The following TCN1 variants were observed in gnomAD, a reference collection of about 807,000 sequenced individuals.
TCN1 encodes transcobalamin 1.
Under a neutral mutation model 46.3 loss-of-function variants are expected in TCN1, and 47 were observed. The observed-to-expected ratio is 1.01, with a 90% CI of 0.80 to 1.29. The LOEUF is 1.29. TCN1 is among the 50% of genes most tolerant of loss of function. The probability of loss-of-function intolerance (pLI) is 0.00; values close to 1 mark genes in which losing one functional copy is unlikely to be tolerated. For synonymous variants in TCN1, 183 were observed against 192.5 expected (o/e 0.95, Z 0.41); for missense variants, 532 against 511.0 (o/e 1.04, Z -0.40).
chr11:59,855,915 C>A lies in TCN1; in HGVS notation c.891G>T (p.Lys297Asn), dbSNP rs372762993. The A allele has an allele frequency of 1.9e-6, 3 of 1,613,896 alleles. No individual in the cohort carries two copies. The highest frequency in any genetic ancestry group is 2.5e-6 in the Non-Finnish European group (3 of 1,179,808). Residue 297 changes from lysine to asparagine, a missense_variant, in exon 6 of 9, where the codon AAG becomes AAT. Lys to Asn is a moderately conservative substitution (Grantham distance 94). Transcript: ENST00000257264. ...AGTCTTTGTTAATATCCAAGAAGGT[C>A]TTTCCCATCAGGGCAGGTAAGACCT... Reference protein sequence around the residue: ...AAQVLPALMGKTFLDINKDSS... With the variant: ...AAQVLPALMGNTFLDINKDSS...
At position 59,859,152 on chromosome 11, in the gene TCN1, C is replaced by A. The variant is rs1260292472; in HGVS notation, c.672G>T (p.Leu224=). 1 of 1,613,838 alleles carries A rather than the reference C, an allele frequency of 6.2e-7. No homozygotes were observed. The highest frequency in any genetic ancestry group is 8.5e-7 in the Non-Finnish European group (1 of 1,180,024). ...TTTTCTCAGACAGAATCTTTTCTAC[C>A]AGTGACTTTGTATAAATACTGATGT... ...LKNISIYTKS[L]VEKILSEKKE... The change falls in exon 5 of 9, where the codon CTG becomes CTT. Residue 224 remains leucine, a synonymous_variant. Coordinates refer to ENST00000257264, the MANE Select transcript of TCN1 (RefSeq NM_001062.4).
In TCN1 at chr11:59,861,593, C is replaced by A. The variant is rs77116206; in HGVS notation, c.490G>T (p.Ala164Ser). 2 of 1,614,054 alleles carry A rather than the reference C, an allele frequency of 1.2e-6. No individual in the cohort carries two copies. Among genetic ancestry groups the A allele is most frequent in the South Asian group, 2.2e-5 (2 of 91,078 alleles). ...LCLFNGNYST[A>S]EVVNHFTPEN... ...GGAGTGAAGTGGTTGACAACTTCGG[C>A]GGTTGAGTAGTTCCCATTGAACAGA... Residue 164 changes from alanine to serine, a missense_variant, in exon 4 of 9, where the codon GCC (alanine) becomes TCC (serine). Physicochemically the swap from Ala to Ser is moderately conservative, Grantham distance 99. Coordinates refer to ENST00000257264, the MANE Select transcript of TCN1 (RefSeq NM_001062.4).
intron 5 of TCN1, among the ~76,000 whole-genome samples, chr11:59,858,114 A>G (rs1449370709): frequency 6.6e-6 from 1 of 152,204 alleles, no homozygotes; most frequent in Non-Finnish European, 1.5e-5. Context: ...TTATAATAAT[A>G]TATTACAGCA....
At position 59,864,044 on chromosome 11, in the gene TCN1, T is replaced by G. The variant is rs1469951029; in HGVS notation, c.122A>C (p.Asn41Thr). 5.6e-6 allele frequency: 9 copies of G among 1,613,864 alleles called. No individual in the cohort carries two copies. The highest frequency in any genetic ancestry group is 7.6e-6 in the Non-Finnish European group (9 of 1,179,830). Reference sequence around the variant, plus strand: ...GTTATAGTTTGACTGGATCATTGTATTCAACAGAGGTTTTAGGCGGATGTA... The same window carrying G: ...GTTATAGTTTGACTGGATCATTGTAGTCAACAGAGGTTTTAGGCGGATGTA... Reference protein sequence around the residue: ...ENYIRLKPLLNTMIQSNYNRG... With the variant: ...ENYIRLKPLLTTMIQSNYNRG... The change falls in exon 2 of 9, where the codon AAT (asparagine) becomes ACT (threonine). Residue 41 changes from asparagine (N) to threonine (T), a missense_variant. Asn to Thr is a moderately conservative substitution (Grantham distance 65). Coordinates refer to ENST00000257264, the MANE Select transcript of TCN1 (RefSeq NM_001062.4).
At position 59,863,888 on chromosome 11, in the gene TCN1, A is replaced by G. The variant is rs1458512997; in HGVS notation, c.259+19T>C. ...AGGTAGATTTTTTTCTAAATCTTCC[A>G]GAATATACAGCAACTTACATCTGCT... On this transcript the variant is annotated intron_variant, in intron 2 of 8. Transcript: ENST00000257264. 6.2e-7 allele frequency: 1 copy of G among 1,613,388 alleles called. No homozygotes were observed. Among genetic ancestry groups the G allele is most frequent in the Non-Finnish European group, 8.5e-7 (1 of 1,179,560 alleles).
At chr11:59,860,877 A>C (rs1853008513) in intron 4 of TCN1, among the ~76,000 whole-genome samples, 1 of 152,194 alleles carries the variant, frequency 6.6e-6, no homozygotes, top group African/African-American at 2.4e-5. Flanking sequence ...GAAATACTAC[A>C]TGGTGATTTG....
At chr11:59,862,204 A>G (rs1853021998) in intron 3 of TCN1, among the ~76,000 whole-genome samples, 1 of 152,098 alleles carries the variant, frequency 6.6e-6, no homozygotes, top group Admixed American at 6.6e-5. Context: ...AGCATTGTAT[A>G]TTTTGGTACT....
At position 59,861,654 on chromosome 11, in the gene TCN1, G is replaced by T; in HGVS notation, c.429C>A (p.Asn143Lys). 6.2e-7 allele frequency: 1 copy of T among 1,614,154 alleles called. No homozygotes were observed. The highest frequency in any genetic ancestry group is 8.5e-7 in the Non-Finnish European group (1 of 1,179,968). The stretch of plus-strand genomic sequence containing the variant: ...AAACGTCCAGGCTGAGCTGGTAGTA[G>T]TTAGTCAGGGGAGTGCCATTGTGTG... ...MEAHNGTPLT[N>K]YYQLSLDVLA... is the part of the protein sequence containing the mutation. Residue 143 changes from asparagine to lysine, a missense_variant, in exon 4 of 9, where the codon AAC (asparagine) becomes AAA (lysine). Coordinates refer to ENST00000257264, the MANE Select transcript of TCN1 (RefSeq NM_001062.4).
chr11:59,853,634 T>A (rs1054241852), intron 7 of TCN1, among the ~76,000 whole-genome samples: 5 of 152,244 alleles, frequency 3.3e-5, no homozygotes, highest in Admixed American at 1.3e-4. Flanking sequence ...AGCTTCAACC[T>A]TCCACCCCAA....
intron 6 of TCN1, among the ~76,000 whole-genome samples, chr11:59,855,242 T>C (rs1231155668): frequency 6.6e-6 from 1 of 152,212 alleles, no homozygotes; most frequent in African/African-American, 2.4e-5. Context: ...TTACATGGAT[T>C]GTCTCATTCA....
intron 5 of TCN1, 50 bp from the exon 6 acceptor site, chr11:59,856,108 G>A: frequency 6.8e-7 from 1 of 1,461,612 alleles, no homozygotes; most frequent in Non-Finnish European, 9.5e-7. Context: ...AAGAGAGACA[G>A]AGAGAGAATA....
intron 5 of TCN1, among the ~76,000 whole-genome samples, chr11:59,858,049 G>C (rs1357993270): frequency 6.6e-6 from 1 of 152,088 alleles, no homozygotes; most frequent in Non-Finnish European, 1.5e-5. Flanking sequence ...ATAAAGTTCA[G>C]TTTATAAATT....
chr11:59,854,209 T>C (rs1465152770), intron 7 of TCN1, among the ~76,000 whole-genome samples: 3 of 151,152 alleles, frequency 2.0e-5, no homozygotes, highest in Non-Finnish European at 4.4e-5. Context: ...CTGTGCAACA[T>C]AGTAAGATGC....
chr11:59,863,250 C>T (rs188831819), intron 2 of TCN1, among the ~76,000 whole-genome samples: 2 of 152,084 alleles, frequency 1.3e-5, no homozygotes, highest in Non-Finnish European at 2.9e-5. Flanking sequence ...TTTGTCTTTT[C>T]CATAAAAATC....
chr11:59,860,609 C>T (rs1050686186), intron 4 of TCN1, among the ~76,000 whole-genome samples: 2 of 152,076 alleles, frequency 1.3e-5, no homozygotes, highest in African/African-American at 4.8e-5. Flanking sequence ...TTGAGAAAAC[C>T]TAAGAGGCTG....
At chr11:59,861,806 G>A in intron 3 of TCN1, 124 bp from the exon 4 acceptor site, 1 of 1,121,002 alleles carries the variant, frequency 8.9e-7, no homozygotes, top group Middle Eastern at 2.1e-4. Flanking sequence ...TAATAGAAGG[G>A]GGAGGTCACC....
chr11:59,855,012 C>A (rs1248094517), intron 6 of TCN1, among the ~76,000 whole-genome samples, 177 bp from the exon 7 acceptor site: 1 of 152,200 alleles, frequency 6.6e-6, no homozygotes, highest in Non-Finnish European at 1.5e-5. Context: ...AAAGCAGAAA[C>A]TAAGACCCAA....
chr11:59,854,795 T>A lies in TCN1; in HGVS notation c.978A>T (p.Thr326=). 6.2e-7 allele frequency: 1 copy of A among 1,613,904 alleles called. No homozygotes were observed. Among genetic ancestry groups the A allele is most frequent in the Non-Finnish European group, 8.5e-7 (1 of 1,179,902 alleles). The change falls in exon 7 of 9, where the codon ACA becomes ACT. Residue 326 remains threonine (T), a synonymous_variant. Transcript: ENST00000257264. Reference sequence around the variant, plus strand: ...AGATATATGATTGTGAGTCAGGAGGTGTCACAGTTATAGGCTCATCAGCGG... The same window carrying A: ...AGATATATGATTGTGAGTCAGGAGGAGTCACAGTTATAGGCTCATCAGCGG... The part of the protein sequence containing the change: ...NISADEPITV[T]PPDSQSYISV...
At chr11:59,859,305 C>T (rs767987535) in intron 4 of TCN1, 38 bp from the exon 5 acceptor site, 98 of 1,607,268 alleles carry the variant, frequency 6.1e-5, no homozygotes, top group Non-Finnish European at 7.9e-5. Flanking sequence ...GGCGACCAAC[C>T]ACCTCAGTTT....
Sources: allele counts gnomAD v4.1 joint callset (sites outside exome capture counted in the v4.1 genomes callset), GRCh38; gene constraint gnomAD v4.1.1; transcripts MANE v1.5; gene names NCBI Gene and HGNC (gene_info 2026-07-23, HGNC 2026-07-21).